The following NSUN4 variants were observed in gnomAD, a reference collection of about 807,000 sequenced individuals.
The protein encoded by NSUN4 is NOP2/Sun RNA methyltransferase 4.
Under a neutral mutation model 43.8 loss-of-function variants are expected in NSUN4, and 31 were observed. The observed-to-expected ratio is 0.71, with a 90% confidence interval of 0.53 to 0.96. The LOEUF (loss-of-function observed/expected upper bound fraction) is 0.96, where lower values mean the gene tolerates loss of function less well. NSUN4 is among the 40% of genes least tolerant of loss of function. The pLI is 0.00. For synonymous variants in NSUN4, 167 were observed against 184.1 expected, an observed-to-expected ratio of 0.91 and a Z score of 0.75; for missense variants, 439 against 475.6, an observed-to-expected ratio of 0.92 and a Z score of 0.72.
At chr1:46,371,873 CAGAG>C in the NSUN4 span, among the ~76,000 whole-genome samples, 1 of 152,110 alleles carries the variant, frequency 6.6e-6, no homozygotes, top group Admixed American at 6.6e-5. Context: ...CATGTGAACT[CAGAG>C]AGCAAGGGTA....
chr1:46,379,054 G>A, the NSUN4 span, among the ~76,000 whole-genome samples: 1 of 152,204 alleles, frequency 6.6e-6, no homozygotes, highest in Non-Finnish European at 1.5e-5. Flanking sequence ...GGGGAGAGGA[G>A]TTGCAAAATC....
intron 1 of NSUN4, chr1:46,341,232 C>T (rs1228906381): frequency 2.7e-6 from 3 of 1,106,922 alleles, no homozygotes; most frequent in African/African-American, 1.6e-5. Context: ...TTCTGTCCCC[C>T]ACTCCCCCTT....
At chr1:46,381,161 A>G in the NSUN4 span, among the ~76,000 whole-genome samples, 1 of 152,290 alleles carries the variant, frequency 6.6e-6, no homozygotes, top group East Asian at 1.9e-4. Flanking sequence ...CCAGAATCCA[A>G]GGCCCTCTGG....
intron 3 of NSUN4, among the ~76,000 whole-genome samples, chr1:46,348,559 A>G (rs72886905): frequency 0.22 from 33,959 of 151,524 alleles, 4,266 homozygotes; most frequent in Non-Finnish European, 0.29. Context: ...TTAAAAATAC[A>G]AAAAATTAGC....
chr1:46,348,815 T>G (rs1247865574), intron 3 of NSUN4, among the ~76,000 whole-genome samples: 1 of 130,750 alleles, frequency 7.6e-6, no homozygotes, highest in African/African-American at 2.9e-5. Flanking sequence ...ACTGTTTTTT[T>G]TTTTTTTTTT....
the NSUN4 span, among the ~76,000 whole-genome samples, chr1:46,377,056 CTT>C: frequency 6.8e-6 from 1 of 146,414 alleles, no homozygotes; most frequent in Non-Finnish European, 1.5e-5. Context: ...CTGCACCGGC[CTT>C]TTTTTTTTCA....
intron 1 of NSUN4, chr1:46,341,850 C>T (rs1036155089): frequency 8.1e-7 from 1 of 1,232,868 alleles, no homozygotes; most frequent in Non-Finnish European, 1.0e-6. Flanking sequence ...CAGAATGCGG[C>T]GTCCCTGTCT....
At chr1:46,374,755 T>G in the NSUN4 span, among the ~76,000 whole-genome samples, 1 of 152,114 alleles carries the variant, frequency 6.6e-6, no homozygotes, top group Admixed American at 6.6e-5. Context: ...TCCCAGCTAC[T>G]TGGGAGGATG....
At position 46,341,046 on chromosome 1, in the gene NSUN4, T is replaced by C. The variant is rs76637080; in HGVS notation, c.93+127T>C. On this transcript the variant is annotated intron_variant, in intron 1 of 5. Transcript: ENST00000474844. ...ACTCCACGGAACGTCCTTAGGCACC[T>C]CCCTCTCTCGTCTTTTCCGTCACCG... 4 of 1,110,206 alleles carry C rather than the reference T, an allele frequency of 3.6e-6. No individual in the cohort carries two copies. In the South Asian group the frequency reaches 6.6e-5, roughly 18 times the overall value. The allele number at this position is 1,110,206 out of a possible 1,614,324, so 68.8% of individuals were successfully genotyped here. A position where few individuals can be genotyped will look rare whatever the true frequency, so the allele number is the denominator to read the frequency against.
At position 46,345,015 on chromosome 1, in the gene NSUN4, T is replaced by A. The variant is rs1662384383; in HGVS notation, c.308T>A (p.Ile103Asn). The A allele has an allele frequency of 6.2e-7, 1 of 1,614,144 alleles. No homozygotes were observed. Among genetic ancestry groups the A allele is most frequent in the South Asian group, 1.1e-5 (1 of 91,086 alleles). The change falls in exon 2 of 6, where the codon ATC becomes AAC. Residue 103 changes from isoleucine to asparagine, a missense_variant. Transcript: ENST00000474844. ...LSAKDFVNEA[I>N]SHWELQSEGG... ...GCCAAGGATTTTGTGAATGAAGCCATCTCCCACTGGGAACTGCAGTCTGAG... is the reference window on the plus strand; with the variant it reads ...GCCAAGGATTTTGTGAATGAAGCCAACTCCCACTGGGAACTGCAGTCTGAG...
At chr1:46,352,560 A>AAAAGGGG (rs1202522040) in intron 3 of NSUN4, among the ~76,000 whole-genome samples, 1 of 151,706 alleles carries the variant, frequency 6.6e-6, no homozygotes, top group Non-Finnish European at 1.5e-5. Flanking sequence ...TGGGGAAAGG[A>AAAAGGGG]AAAGGGGAAA....
chr1:46,356,026 A>C (rs1258671806), intron 4 of NSUN4, among the ~76,000 whole-genome samples: 1 of 152,068 alleles, frequency 6.6e-6, no homozygotes, highest in African/African-American at 2.4e-5. Flanking sequence ...AAAAAAAAAA[A>C]AAACTAGTTG....
At chr1:46,341,666 G>C (rs758360084) in intron 1 of NSUN4, 37 of 1,222,012 alleles carry the variant, frequency 3.0e-5, no homozygotes, top group Non-Finnish European at 3.8e-5. Context: ...AACCTTCCTC[G>C]CACTCAGGGA....
chr1:46,348,808 GT>G (rs869234807), intron 3 of NSUN4, among the ~76,000 whole-genome samples: 12,070 of 77,212 alleles, frequency 0.16, 287 homozygotes, highest in Admixed American at 0.21. Flanking sequence ...CTTGTGCACT[GT>G]TTTTTTTTTT....
At chr1:46,380,668 G>A in the NSUN4 span, among the ~76,000 whole-genome samples, 1 of 152,170 alleles carries the variant, frequency 6.6e-6, no homozygotes, top group African/African-American at 2.4e-5. Flanking sequence ...AGTCACCAGT[G>A]TTATCCCCAT....
At chr1:46,379,292 T>C in the NSUN4 span, among the ~76,000 whole-genome samples, 1 of 152,132 alleles carries the variant, frequency 6.6e-6, no homozygotes, top group Non-Finnish European at 1.5e-5. Context: ...TGTGAGTTCC[T>C]GTCTTAGTCC....
intron 4 of NSUN4, among the ~76,000 whole-genome samples, chr1:46,358,398 ATTT>A (rs34719174): frequency 9.1e-4 from 87 of 95,418 alleles, no homozygotes; most frequent in Admixed American, 3.2e-3. Flanking sequence ...TCCTGGCCTA[ATTT>A]TTTTTTTTTT....
chr1:46,373,640 G>A, the NSUN4 span, among the ~76,000 whole-genome samples: 1 of 152,214 alleles, frequency 6.6e-6, no homozygotes. Context: ...GCTGCCCTCA[G>A]ATCAGGCCCA....
the NSUN4 span, among the ~76,000 whole-genome samples, chr1:46,374,645 G>A: frequency 6.6e-6 from 1 of 151,830 alleles, no homozygotes; most frequent in East Asian, 1.9e-4. Flanking sequence ...AATAAAAGGG[G>A]ATCTATTGTA....
Sources: gnomAD v4.1 joint callset for allele counts (sites outside exome capture counted in the v4.1 genomes callset) on GRCh38, gnomAD v4.1.1 for gene constraint, MANE v1.5 for transcripts, NCBI Gene and HGNC (gene_info 2026-07-23, HGNC 2026-07-21) for gene names.